POFUT3: variants seen among roughly 807,000 people sequenced by gnomAD.
The protein encoded by POFUT3 is GDP-fucose protein O-fucosyltransferase 3.
At chr8:33,317,877 C>T in the POFUT3 span, among the ~76,000 whole-genome samples, 1 of 152,094 alleles carries the variant, frequency 6.6e-6, no homozygotes, top group Non-Finnish European at 1.5e-5. Flanking sequence ...CCAGGCATTT[C>T]CAGCCTTACT....
At chr8:33,444,607 C>T in the POFUT3 span, among the ~76,000 whole-genome samples, 2 of 152,068 alleles carry the variant, frequency 1.3e-5, no homozygotes, top group African/African-American at 4.8e-5. Flanking sequence ...CACCTGAGGT[C>T]AGGAGTTTGA....
chr8:33,368,620 T>G, the POFUT3 span, among the ~76,000 whole-genome samples: 1 of 152,196 alleles, frequency 6.6e-6, no homozygotes, highest in Non-Finnish European at 1.5e-5. Context: ...CTAGGCATTT[T>G]TCTCTCCTCT....
At chr8:33,325,318 C>T in the POFUT3 span, among the ~76,000 whole-genome samples, 1 of 152,094 alleles carries the variant, frequency 6.6e-6, no homozygotes, top group Non-Finnish European at 1.5e-5. Context: ...AGTGGCAGTC[C>T]ACCCCCAATC....
chr8:33,372,086 G>T, the POFUT3 span: 5 of 911,868 alleles, frequency 5.5e-6, no homozygotes, highest in Non-Finnish European at 6.6e-6. Flanking sequence ...GGATAAACTT[G>T]AAACAGCTTT....
the POFUT3 span, among the ~76,000 whole-genome samples, chr8:33,454,025 G>T: frequency 6.6e-6 from 1 of 152,178 alleles, no homozygotes; most frequent in Non-Finnish European, 1.5e-5. Context: ...TACTCAGGAG[G>T]CTGAGGCAGA....
the POFUT3 span, among the ~76,000 whole-genome samples, chr8:33,309,834 T>G: frequency 3.3e-5 from 5 of 152,290 alleles, no homozygotes; most frequent in African/African-American, 1.2e-4. Flanking sequence ...ACCAGCAACT[T>G]GGCAGGGGAA....
chr8:33,443,854 G>A, the POFUT3 span, among the ~76,000 whole-genome samples: 7 of 152,054 alleles, frequency 4.6e-5, no homozygotes, highest in Non-Finnish European at 8.8e-5. Flanking sequence ...GGCCAGGCAT[G>A]GGGACTCATG....
At chr8:33,379,711 CT>C in the POFUT3 span, among the ~76,000 whole-genome samples, 1 of 150,830 alleles carries the variant, frequency 6.6e-6, no homozygotes, top group South Asian at 2.1e-4. Context: ...TGGCATGAAC[CT>C]GTAGTCCCAG....
the POFUT3 span, among the ~76,000 whole-genome samples, chr8:33,377,935 TGGCAGAACACA>T: frequency 7.5e-4 from 114 of 152,194 alleles, 2 homozygotes; most frequent in Non-Finnish European, 4.3e-4. Flanking sequence ...GTTTCACCTT[TGGCAGAACACA>T]GGAGAGAGAG....
chr8:33,323,122 C>T, the POFUT3 span, among the ~76,000 whole-genome samples: 1 of 152,216 alleles, frequency 6.6e-6, no homozygotes, highest in East Asian at 1.9e-4. Context: ...TACAAGTGCA[C>T]ACACACAGTT....
At chr8:33,375,082 G>C in the POFUT3 span, among the ~76,000 whole-genome samples, 1 of 151,290 alleles carries the variant, frequency 6.6e-6, no homozygotes, top group African/African-American at 2.4e-5. Flanking sequence ...AGTAGAGACG[G>C]GGTTTCACCA....
chr8:33,370,585 G>A, the POFUT3 span, among the ~76,000 whole-genome samples: 1 of 152,096 alleles, frequency 6.6e-6, no homozygotes, highest in Non-Finnish European at 1.5e-5. Context: ...ATTTGTTCAG[G>A]GATACATACT....
the POFUT3 span, among the ~76,000 whole-genome samples, chr8:33,401,309 T>C: frequency 6.6e-6 from 1 of 152,068 alleles, no homozygotes; most frequent in Admixed American, 6.6e-5. Context: ...TCTTGTCAAA[T>C]GGTCATTAAA....
chr8:33,315,523 C>G, the POFUT3 span, among the ~76,000 whole-genome samples: 1 of 151,992 alleles, frequency 6.6e-6, no homozygotes, highest in Admixed American at 6.6e-5. Flanking sequence ...AGAACTGTGA[C>G]GGTCGTGAAG....
the POFUT3 span, chr8:33,370,901 A>T: frequency 2.6e-5 from 4 of 152,340 alleles, 1 homozygote; most frequent in Non-Finnish European, 5.9e-5. Context: ...ATTATCAAAT[A>T]AAATGGCAGA....
At chr8:33,372,317 A>G in the POFUT3 span, 4 of 1,212,368 alleles carry the variant, frequency 3.3e-6, no homozygotes, top group Non-Finnish European at 4.1e-6. Flanking sequence ...GGCAGTAAGT[A>G]TGTGGGTCCA....
chr8:33,398,806 T>C, the POFUT3 span, among the ~76,000 whole-genome samples: 1 of 152,216 alleles, frequency 6.6e-6, no homozygotes, highest in Non-Finnish European at 1.5e-5. Context: ...CTCATCTGTA[T>C]TTTCTTCTCT....
chr8:33,311,406 C>G, the POFUT3 span, among the ~76,000 whole-genome samples: 1 of 152,118 alleles, frequency 6.6e-6, no homozygotes, highest in Non-Finnish European at 1.5e-5. Context: ...AAATGAAGCA[C>G]ATTGCCCTAA....
At chr8:33,342,182 C>CA in the POFUT3 span, among the ~76,000 whole-genome samples, 11 of 150,202 alleles carry the variant, frequency 7.3e-5, no homozygotes, top group South Asian at 2.1e-4. Flanking sequence ...GACTTTGTCT[C>CA]AAAAAAAAAT....
Sources: gnomAD v4.1 joint callset for allele counts (sites outside exome capture counted in the v4.1 genomes callset) on GRCh38, gnomAD v4.1.1 for gene constraint, MANE v1.5 for transcripts, NCBI Gene and HGNC (gene_info 2026-07-23, HGNC 2026-07-21) for gene names.